The following CACNG7 variants were observed in gnomAD, a reference collection of about 807,000 sequenced individuals.
CACNG7 encodes calcium voltage-gated channel auxiliary subunit gamma 7.
In CACNG7, 9 loss-of-function variants were observed where a neutral mutation model predicts 26.3. That is an observed-to-expected ratio of 0.34 (90% CI 0.21 to 0.60). The LOEUF is 0.60. Ranked by LOEUF, CACNG7 falls within the 20% of genes least tolerant of loss-of-function variation. The pLI is 0.81. For missense variants in CACNG7, 297 were observed against 380.4 expected (o/e 0.78, Z 1.82); for synonymous variants, 170 against 157.0 (o/e 1.08, Z -0.62).
At chr19:53,923,447 G>A (rs1307191583) in intron 4 of CACNG7, among the ~76,000 whole-genome samples, 1 of 141,962 alleles carries the variant, frequency 7.0e-6, no homozygotes, top group Non-Finnish European at 1.5e-5. Flanking sequence ...GTTGTCCCCA[G>A]GCCTGGTCAT....
chr19:53,925,312 G>T (rs1388924033), intron 4 of CACNG7, among the ~76,000 whole-genome samples: 1 of 144,222 alleles, frequency 6.9e-6, no homozygotes, highest in Non-Finnish European at 1.5e-5. Flanking sequence ...GTCATTGGTG[G>T]AGTTGTCCCC....
Position 53,923,206 on chromosome 19 carries a change from G to GT in CACNG7, c.424+7701_424+7702insT, listed in dbSNP as rs1234013983. Among the ~76,000 whole-genome samples the GT allele has an allele frequency of 6.6e-3, 378 of 57,480 alleles. 2 individuals carry two copies. The highest frequency in any genetic ancestry group is 0.012 in the Middle Eastern group (1 of 86). The allele number at this position is 57,480 out of a possible 152,430, so 37.7% of individuals were successfully genotyped here. On this transcript the variant is annotated intron_variant, in intron 4 of 5. Transcript: ENST00000391767. Reference sequence around the variant, plus strand: ...CTGGTCATTGGTGGGGTTGTCCCAGGCTCGTCATTGGTGGAGTTGCCCCAG... The same window carrying GT: ...CTGGTCATTGGTGGGGTTGTCCCAGGTCTCGTCATTGGTGGAGTTGCCCCAG...
In CACNG7 at chr19:53,923,404, G is replaced by T. The variant is rs1412438880; in HGVS notation, c.424+7899G>T. ...TGGAGTTGTCCCCAGGTCTGGTATTGGTGGAGTTGTCCCCAGGTCTGGTAT... is the reference window on the plus strand; with the variant it reads ...TGGAGTTGTCCCCAGGTCTGGTATTTGTGGAGTTGTCCCCAGGTCTGGTAT... On this transcript the variant is annotated intron_variant, in intron 4 of 5. Transcript: ENST00000391767. Among the ~76,000 whole-genome samples the T allele has an allele frequency of 2.9e-5, 4 of 139,278 alleles. No individual in the cohort carries two copies. The South Asian group carries it at 1.1e-3, about 37-fold the overall frequency. 91.4% of individuals were successfully genotyped at this position (139,278 alleles called of 152,430 possible). A position where few individuals can be genotyped will look rare whatever the true frequency, so the allele number is the denominator to read the frequency against.
At chr19:53,911,939 T>C (rs2068864763) in intron 1 of CACNG7, among the ~76,000 whole-genome samples, 1 of 152,140 alleles carries the variant, frequency 6.6e-6, no homozygotes, top group Non-Finnish European at 1.5e-5. Context: ...AAGTCTTAGA[T>C]AGGGCTGAGG....
chr19:53,920,857 G>GT lies in CACNG7; in HGVS notation c.424+5352_424+5353insT, dbSNP rs1442216291. On this transcript the variant is annotated intron_variant, in intron 4 of 5. Coordinates refer to ENST00000391767, the MANE Select transcript of CACNG7 (RefSeq NM_031896.5). ...CCCCAGGCCTGGTATTGGTGGAGTT[G>GT]CCCCAGGTCTGGTCATTGGTGGAGT... 9.5e-5 allele frequency among the ~76,000 whole-genome samples: 9 copies of GT among 94,772 alleles called. No homozygotes were observed. The South Asian group carries it at 1.8e-3, about 19-fold the overall frequency. The allele number at this position is 94,772 out of a possible 152,430, so 62.2% of individuals were successfully genotyped here.
Position 53,922,796 on chromosome 19 carries a change from CCCCAGGTCTGGTCATTGGTGGAGTTGT to C in CACNG7, c.424+7312_424+7338del, listed in dbSNP as rs1568775659. On this transcript the variant is annotated intron_variant, in intron 4 of 5. Coordinates refer to ENST00000391767, the MANE Select transcript of CACNG7 (RefSeq NM_031896.5). ...CCCAGGCTCGTCATTGGTGGAGTTG[CCCCAGGTCTGGTCATTGGTGGAGTTGT>C]CCCAGGTCTGGTCATTGGTGCAGTT... 8.6e-5 allele frequency among the ~76,000 whole-genome samples: 4 copies of C among 46,570 alleles called. 1 individual carries two copies. The highest frequency in any genetic ancestry group is 7.0e-4 in the Admixed American group (4 of 5,680). The allele number at this position is 46,570 out of a possible 152,430, so 30.6% of individuals were successfully genotyped here.
At chr19:53,928,447 T>G (rs2069048741) in intron 4 of CACNG7, among the ~76,000 whole-genome samples, 2 of 152,032 alleles carry the variant, frequency 1.3e-5, no homozygotes, top group Non-Finnish European at 2.9e-5. Context: ...AATTTTTTTT[T>G]GTATTTTTGT....
At chr19:53,911,180 C>T (rs531886924) in intron 1 of CACNG7, among the ~76,000 whole-genome samples, 3 of 152,128 alleles carry the variant, frequency 2.0e-5, no homozygotes, top group Non-Finnish European at 4.4e-5. Flanking sequence ...ATTCTCCTGC[C>T]TCAGCCTCCT....
chr19:53,941,701 G>T (rs2069138464), intron 5 of CACNG7, 86 bp downstream of exon 5: 3 of 1,463,648 alleles, frequency 2.0e-6, no homozygotes, highest in Non-Finnish European at 2.8e-6. Context: ...GGAAGGAGAG[G>T]CTGGAGATGC....
chr19:53,927,160 T>C (rs944239460), intron 4 of CACNG7, among the ~76,000 whole-genome samples: 3 of 151,978 alleles, frequency 2.0e-5, no homozygotes, highest in Non-Finnish European at 4.4e-5. Flanking sequence ...CCTCAAGTGA[T>C]CCACCCACCT....
rs1017170908 is a variant in CACNG7, at chr19:53,940,102, C to T, written c.425-1368C>T. Among the ~76,000 whole-genome samples the T allele has an allele frequency of 6.6e-6, 1 of 152,130 alleles. No individual in the cohort carries two copies. The highest frequency in any genetic ancestry group is 1.5e-5 in the Non-Finnish European group (1 of 68,034). On this transcript the variant is annotated intron_variant, in intron 4 of 5. Coordinates refer to ENST00000391767, the MANE Select transcript of CACNG7 (RefSeq NM_031896.5). This position sits in a 1 kb window ranked among gnomAD's most constrained non-coding sequence, Gnocchi z 4.1. ...GAGGTTGATAGGGATTAGTTAGATACATTTAAGGCAGGGAACTTTATAGCC... is the reference window on the plus strand; with the variant it reads ...GAGGTTGATAGGGATTAGTTAGATATATTTAAGGCAGGGAACTTTATAGCC...
At chr19:53,915,813 A>G (rs570970745) in intron 4 of CACNG7, among the ~76,000 whole-genome samples, 2 of 152,320 alleles carry the variant, frequency 1.3e-5, no homozygotes, top group African/African-American at 4.8e-5. Flanking sequence ...ACAGACACTC[A>G]GAGGGATGAA....
chr19:53,922,220 G>GGAGTTGTCCCCAGGTCTGGTATTGGTA, intron 4 of CACNG7, among the ~76,000 whole-genome samples: 1 of 116,124 alleles, frequency 8.6e-6, no homozygotes, highest in South Asian at 3.0e-4. Flanking sequence ...TGGTATTGGT[G>GGAGTTGTCCCCAGGTCTGGTATTGGTA]GAGTTGTCCC....
rs958785994 is a variant in CACNG7 at position 53,942,380 on chromosome 19, G to C, written c.*87G>C. On this transcript the variant is annotated 3_prime_UTR_variant, in exon 6 of 6. Transcript: ENST00000391767. The surrounding 1 kb of genome is among the most constrained non-coding windows in gnomAD (Gnocchi z 5.9). Reference sequence around the variant, plus strand: ...CAATGCAGCGCCCCCTTCCGTCCTCGGGACTCCTCGCTCCCACCCGGAGGA... The same window carrying C: ...CAATGCAGCGCCCCCTTCCGTCCTCCGGACTCCTCGCTCCCACCCGGAGGA... The C allele has an allele frequency of 2.0e-6, 3 of 1,528,866 alleles. No individual in the cohort carries two copies. The highest frequency in any genetic ancestry group is 1.8e-4 in the Middle Eastern group (1 of 5,708). The allele number at this position is 1,528,866 out of a possible 1,614,324, so 94.7% of individuals were successfully genotyped here. A position where few individuals can be genotyped will look rare whatever the true frequency, so the allele number is the denominator to read the frequency against.
chr19:53,919,761 G>A (rs887983576), intron 4 of CACNG7, among the ~76,000 whole-genome samples: 1 of 145,382 alleles, frequency 6.9e-6, no homozygotes, highest in Non-Finnish European at 1.5e-5. Flanking sequence ...GGTATTGGTG[G>A]AGTTGCCCCA....
chr19:53,912,672 G>C lies in CACNG7; in HGVS notation c.-29-131G>C. On this transcript the variant is annotated intron_variant, in intron 1 of 5. Transcript: ENST00000391767. The surrounding 1 kb of genome is among the most constrained non-coding windows in gnomAD (Gnocchi z 4.6). Reference sequence around the variant, plus strand: ...GGGTTGGGGTCATGGGTCAGGCCACGGAGGTCAGATCTGAGATTTCGATTT... The same window carrying C: ...GGGTTGGGGTCATGGGTCAGGCCACCGAGGTCAGATCTGAGATTTCGATTT... 1.5e-6 allele frequency: 1 copy of C among 682,932 alleles called. No homozygotes were observed. Among genetic ancestry groups the C allele is most frequent in the Non-Finnish European group, 2.5e-6 (1 of 400,382 alleles). The allele number at this position is 682,932 out of a possible 1,614,324, so 42.3% of individuals were successfully genotyped here. A position where few individuals can be genotyped will look rare whatever the true frequency, so the allele number is the denominator to read the frequency against.
intron 4 of CACNG7, among the ~76,000 whole-genome samples, chr19:53,919,958 T>C (rs1392233055): frequency 3.9e-5 from 4 of 103,808 alleles, no homozygotes; most frequent in East Asian, 3.1e-4. Flanking sequence ...TTGCCCCAGG[T>C]CTGGTCATTG....
chr19:53,938,164 T>G (rs2069116931), intron 4 of CACNG7, among the ~76,000 whole-genome samples: 1 of 151,958 alleles, frequency 6.6e-6, no homozygotes, highest in African/African-American at 2.4e-5. Flanking sequence ...CTGGGCAACA[T>G]GGGGAGACCC....
intron 4 of CACNG7, among the ~76,000 whole-genome samples, chr19:53,936,942 C>G (rs1030996404): frequency 1.3e-5 from 2 of 151,934 alleles, no homozygotes; most frequent in African/African-American, 4.8e-5. Context: ...CAGTCTCCCT[C>G]TGTCACCCAG....
Sources: gnomAD v4.1 joint callset for allele counts (sites outside exome capture counted in the v4.1 genomes callset) on GRCh38, gnomAD v4.1.1 for gene constraint, Gnocchi (gnomAD v3.1) non-coding constraint, MANE v1.5 for transcripts, NCBI Gene and HGNC (gene_info 2026-07-23, HGNC 2026-07-21) for gene names.